RPL14: variants seen among roughly 807,000 people sequenced by gnomAD.
RPL14 encodes the protein ribosomal protein L14, also known as large ribosomal subunit protein eL14.
A neutral mutation model predicts 25.3 loss-of-function variants in RPL14; 4 were observed. The observed-to-expected ratio is 0.16, with a 90% CI of 0.08 to 0.36. RPL14 has a LOEUF of 0.36. Ranked by LOEUF, RPL14 falls within the 10% of genes least tolerant of loss-of-function variation. RPL14 has a pLI of 1.00. For synonymous variants in RPL14, 75 were observed against 89.8 expected, an observed-to-expected ratio of 0.84 and a Z score of 0.93; for missense variants, 212 against 261.9, an observed-to-expected ratio of 0.81 and a Z score of 1.31.
intron 1 of RPL14, 175 bp from the exon 2 acceptor site, chr3:40,457,715 C>T (rs1013660536): frequency 2.9e-6 from 2 of 685,212 alleles, no homozygotes; most frequent in Admixed American, 2.6e-5. Context: ...CGGGCTTAAG[C>T]TACTGAGGCG....
intron 3 of RPL14, among the ~76,000 whole-genome samples, chr3:40,460,204 GTTAATA>G (rs915750901): frequency 3.9e-5 from 6 of 152,090 alleles, no homozygotes; most frequent in African/African-American, 7.2e-5. Context: ...AAGCCTAACA[GTTAATA>G]TTAATTACCT....
At chr3:40,458,266 C>A in intron 2 of RPL14, 2 of 539,608 alleles carry the variant, frequency 3.7e-6, no homozygotes, top group South Asian at 2.5e-5. Flanking sequence ...GAGTTTAGAA[C>A]AGATCCAGCA....
rs1328819593 is a variant in RPL14 at position 40,465,910 on chromosome 3, G to A, written c.*3678G>A. The A allele has an allele frequency of 6.6e-6, 1 of 152,160 alleles. No individual in the cohort carries two copies. Among genetic ancestry groups the A allele is most frequent in the East Asian group, 1.9e-4 (1 of 5,190 alleles). The allele number at this position is 152,160 out of a possible 1,614,324, so 9.4% of individuals were successfully genotyped here. A position where few individuals can be genotyped will look rare whatever the true frequency, so the allele number is the denominator to read the frequency against. ...GGGACCATATGATAAGAGATTTGAG[G>A]CCGGGCACTGTGGCTCACACCTGTA... On this transcript the variant is annotated 3_prime_UTR_variant, in exon 6 of 6. Coordinates refer to ENST00000396203, the MANE Select transcript of RPL14 (RefSeq NM_001034996.3).
In RPL14 at chr3:40,463,531, C is replaced by G. The variant is rs1696980830; in HGVS notation, c.*1299C>G. 6.6e-6 allele frequency: 1 copy of G among 152,114 alleles called. No individual in the cohort carries two copies. Among genetic ancestry groups the G allele is most frequent in the Non-Finnish European group, 1.5e-5 (1 of 68,030 alleles). The allele number at this position is 152,114 out of a possible 1,614,324, so 9.4% of individuals were successfully genotyped here. A position where few individuals can be genotyped will look rare whatever the true frequency, so the allele number is the denominator to read the frequency against. On this transcript the variant is annotated 3_prime_UTR_variant, in exon 6 of 6. Coordinates refer to ENST00000396203, the MANE Select transcript of RPL14 (RefSeq NM_001034996.3). ...TGCAAATTTTCTTATAAAAAGTAAA[C>G]TAGGAAAATAGGGCAAGTATAAAAA...
chr3:40,465,841 G>A lies in RPL14; in HGVS notation c.*3609G>A, dbSNP rs7628796. ...TGGAATCTCTAGGAAAGTAACTGAGGCATACGATGCCTGAAAAGGAGTAGA... is the reference window on the plus strand; with the variant it reads ...TGGAATCTCTAGGAAAGTAACTGAGACATACGATGCCTGAAAAGGAGTAGA... On this transcript the variant is annotated 3_prime_UTR_variant, in exon 6 of 6. Transcript: ENST00000396203. The A allele has an allele frequency of 0.69, 104,921 of 152,036 alleles. 36,385 individuals carry two copies. The highest frequency in any genetic ancestry group is 0.73 in the African/African-American group (30,424 of 41,446). 9.4% of individuals were successfully genotyped at this position (152,036 alleles called of 1,614,324 possible).
chr3:40,464,227 T>C lies in RPL14; in HGVS notation c.*1995T>C, dbSNP rs1436696621. 5.8e-6 allele frequency: 2 copies of C among 344,178 alleles called. No homozygotes were observed. Among genetic ancestry groups the C allele is most frequent in the East Asian group, 1.5e-4 (2 of 13,538 alleles). 21.3% of individuals were successfully genotyped at this position (344,178 alleles called of 1,614,324 possible). A position where few individuals can be genotyped will look rare whatever the true frequency, so the allele number is the denominator to read the frequency against. Reference sequence around the variant, plus strand: ...TGTCCGCCTTGGCCTCCCAAAGTGCTGGGATTACAGGCGTGAGCCACCGCT... The same window carrying C: ...TGTCCGCCTTGGCCTCCCAAAGTGCCGGGATTACAGGCGTGAGCCACCGCT... On this transcript the variant is annotated 3_prime_UTR_variant, in exon 6 of 6. Coordinates refer to ENST00000396203, the MANE Select transcript of RPL14 (RefSeq NM_001034996.3).
In RPL14 at chr3:40,462,071, G is replaced by A. The variant is rs1696948826; in HGVS notation, c.487G>A (p.Ala163Thr). The A allele has an allele frequency of 1.3e-6, 2 of 1,585,634 alleles. No homozygotes were observed. Among genetic ancestry groups the A allele is most frequent in the African/African-American group, 2.7e-5 (2 of 72,804 alleles). The change falls in exon 6 of 6, where the codon GCA becomes ACA. Residue 163 changes from alanine to threonine, a missense_variant. This residue lies in a region of RPL14 where 3 missense variants were observed against 18.9 expected (regional missense o/e 0.16). Coordinates refer to ENST00000396203, the MANE Select transcript of RPL14 (RefSeq NM_001034996.3). Reference sequence around the variant, plus strand: ...TGCTGCTGCTGCTGCTAAAGTTCCAGCAAAAAAGATCACCGCCGCGAGTAA... The same window carrying A: ...TGCTGCTGCTGCTGCTAAAGTTCCAACAAAAAAGATCACCGCCGCGAGTAA... ...AAAAAAAKVP[A>T]KKITAASKKA...
intron 3 of RPL14, among the ~76,000 whole-genome samples, chr3:40,459,776 G>T (rs757045072): frequency 6.7e-6 from 1 of 149,924 alleles, no homozygotes; most frequent in African/African-American, 2.5e-5. Flanking sequence ...GGAGAATGGC[G>T]TGAGCCCGGG....
At chr3:40,458,345 T>C in intron 2 of RPL14, 1 of 517,908 alleles carries the variant, frequency 1.9e-6, no homozygotes, top group East Asian at 3.3e-5. Context: ...GACCACTGAC[T>C]ATAAATCAGC....
Position 40,467,109 on chromosome 3 carries a change from G to A in RPL14, c.*4877G>A, listed in dbSNP as rs1332360141. The stretch of plus-strand genomic sequence containing the variant: ...ATACATCTTGCAGACATTTTTTAAT[G>A]TGTTTGTAATATAGGTACATAAAAA... On this transcript the variant is annotated 3_prime_UTR_variant, in exon 6 of 6. Transcript: ENST00000396203. 1 of 152,122 alleles carries A rather than the reference G, an allele frequency of 6.6e-6. No homozygotes were observed. Among genetic ancestry groups the A allele is most frequent in the African/African-American group, 2.4e-5 (1 of 41,420 alleles). The allele number at this position is 152,122 out of a possible 1,614,324, so 9.4% of individuals were successfully genotyped here. A position where few individuals can be genotyped will look rare whatever the true frequency, so the allele number is the denominator to read the frequency against.
chr3:40,459,344 A>G (rs1385256690), intron 3 of RPL14, among the ~76,000 whole-genome samples: 1 of 152,186 alleles, frequency 6.6e-6, no homozygotes, highest in Admixed American at 6.5e-5. Flanking sequence ...TATTGCTACT[A>G]GCTATCATTA....
rs757531130 is a variant in RPL14 at position 40,462,239 on chromosome 3, A to G, written c.*7A>G. On this transcript the variant is annotated 3_prime_UTR_variant, in exon 6 of 6. Coordinates refer to ENST00000396203, the MANE Select transcript of RPL14 (RefSeq NM_001034996.3). ...ATCTGGCAAGAAAGCATAAGTGGCAATCATAAAAAGTAATAAAGGTTCTTT... is the reference window on the plus strand; with the variant it reads ...ATCTGGCAAGAAAGCATAAGTGGCAGTCATAAAAAGTAATAAAGGTTCTTT... 3.8e-6 allele frequency: 6 copies of G among 1,578,008 alleles called. No homozygotes were observed. Among genetic ancestry groups the G allele is most frequent in the Admixed American group, 2.0e-5 (1 of 49,558 alleles).
chr3:40,459,020 TAAAA>T (rs35873216), intron 3 of RPL14: 2 of 304,462 alleles, frequency 6.6e-6, no homozygotes, highest in African/African-American at 4.5e-5. Context: ...CTACAAAAAA[TAAAA>T]AAAAAATTCG....
rs1050358233 is a variant in RPL14 at position 40,464,294 on chromosome 3, A to G, written c.*2062A>G. On this transcript the variant is annotated 3_prime_UTR_variant, in exon 6 of 6. Coordinates refer to ENST00000396203, the MANE Select transcript of RPL14 (RefSeq NM_001034996.3). ...TTTTAAATAAATTTGTTTCCTAACC[A>G]AAAGCTAGCTTCAGGCGTCACTGGG... 3 of 353,692 alleles carry G rather than the reference A, an allele frequency of 8.5e-6. No individual in the cohort carries two copies. Among genetic ancestry groups the G allele is most frequent in the Non-Finnish European group, 1.7e-5 (3 of 179,012 alleles). 21.9% of individuals were successfully genotyped at this position (353,692 alleles called of 1,614,324 possible). A position where few individuals can be genotyped will look rare whatever the true frequency, so the allele number is the denominator to read the frequency against.
At chr3:40,460,797 G>A (rs545838304) in intron 3 of RPL14, among the ~76,000 whole-genome samples, 2 of 152,166 alleles carry the variant, frequency 1.3e-5, no homozygotes, top group Admixed American at 6.5e-5. Flanking sequence ...GGCCAACCTG[G>A]TCTTGAACTC....
rs1474720479 is a variant in RPL14 at position 40,461,664 on chromosome 3, A to G, written c.354+3A>G. The G allele has an allele frequency of 1.3e-6, 2 of 1,598,696 alleles. No homozygotes were observed. The highest frequency in any genetic ancestry group is 1.4e-5 in the African/African-American group (1 of 73,806). Reference sequence around the variant, plus strand: ...AAGTTATGAAGGCAAAGAAAATGGTAAGATTTAAGATCTGTATTTTTGTGT... The same window carrying G: ...AAGTTATGAAGGCAAAGAAAATGGTGAGATTTAAGATCTGTATTTTTGTGT... On this transcript the variant is annotated splice_donor_region_variant and intron_variant, in intron 5 of 5. Coordinates refer to ENST00000396203, the MANE Select transcript of RPL14 (RefSeq NM_001034996.3).
Position 40,463,054 on chromosome 3 carries a change from ACT to A in RPL14, c.*823_*824del, listed in dbSNP as rs1179904180. ...TGCCTTGGCTTCCCAGGTAGCTGGG[ACT>A]ACAGGCGCCCACCACCATGCCCAGC... is the stretch of plus-strand genomic sequence containing the variant. On this transcript the variant is annotated 3_prime_UTR_variant, in exon 6 of 6. Coordinates refer to ENST00000396203, the MANE Select transcript of RPL14 (RefSeq NM_001034996.3). The A allele has an allele frequency of 6.6e-6, 1 of 151,348 alleles. No individual in the cohort carries two copies. The highest frequency in any genetic ancestry group is 2.0e-4 in the East Asian group (1 of 5,120). 9.4% of individuals were successfully genotyped at this position (151,348 alleles called of 1,614,324 possible). A position where few individuals can be genotyped will look rare whatever the true frequency, so the allele number is the denominator to read the frequency against.
At position 40,466,101 on chromosome 3, in the gene RPL14, GAATC is replaced by G. The variant is rs1697024637; in HGVS notation, c.*3870_*3873del. Reference sequence around the variant, plus strand: ...AGCTACTTGGGAGGCTGAGGCGGGAGAATCGCTTGAACCCAGGAGGTGGAGGTTG... The same window carrying G: ...AGCTACTTGGGAGGCTGAGGCGGGAGGCTTGAACCCAGGAGGTGGAGGTTG... On this transcript the variant is annotated 3_prime_UTR_variant, in exon 6 of 6. Coordinates refer to ENST00000396203, the MANE Select transcript of RPL14 (RefSeq NM_001034996.3). 1 of 152,244 alleles carries G rather than the reference GAATC, an allele frequency of 6.6e-6. No homozygotes were observed. The highest frequency in any genetic ancestry group is 1.5e-5 in the Non-Finnish European group (1 of 68,166). The allele number at this position is 152,244 out of a possible 1,614,324, so 9.4% of individuals were successfully genotyped here. A position where few individuals can be genotyped will look rare whatever the true frequency, so the allele number is the denominator to read the frequency against.
chr3:40,459,320 C>T (rs1696894828), intron 3 of RPL14, among the ~76,000 whole-genome samples: 1 of 152,146 alleles, frequency 6.6e-6, no homozygotes, highest in South Asian at 2.1e-4. Flanking sequence ...AACAACAATA[C>T]TAAGTCTTGT....
Sources: allele counts gnomAD v4.1 joint callset (sites outside exome capture counted in the v4.1 genomes callset), GRCh38; gene constraint gnomAD v4.1.1; regional missense constraint gnomAD v4.1.1; transcripts MANE v1.5; gene names NCBI Gene and HGNC (gene_info 2026-07-23, HGNC 2026-07-21).